BORCS5: variants seen among roughly 807,000 people sequenced by gnomAD.
BORCS5 encodes BLOC-1-related complex subunit 5.
A neutral mutation model predicts 22.1 loss-of-function variants in BORCS5; 17 were observed. The observed-to-expected ratio is 0.77, with a 90% CI of 0.53 to 1.15. The LOEUF (loss-of-function observed/expected upper bound fraction) is 1.15, where lower values mean the gene tolerates loss of function less well. Among genes scored for constraint, BORCS5 ranks in the 50% most tolerant of loss-of-function variants. The pLI is 0.00. For missense variants in BORCS5, 247 were observed against 253.2 expected (o/e 0.98, Z 0.17); for synonymous variants, 117 against 99.8 (o/e 1.17, Z -1.03).
At chr12:12,415,284 C>A (rs1240981975) in intron 2 of BORCS5, among the ~76,000 whole-genome samples, 1 of 150,284 alleles carries the variant, frequency 6.7e-6, no homozygotes. Flanking sequence ...AACGAGACTC[C>A]GTCTGCAATC....
At chr12:12,430,738 C>A (rs1174341692) in intron 2 of BORCS5, among the ~76,000 whole-genome samples, 2 of 152,170 alleles carry the variant, frequency 1.3e-5, no homozygotes, top group Admixed American at 6.5e-5. Context: ...TCTTATATAT[C>A]ATTTCAGAGT....
At chr12:12,424,715 T>A (rs1942234482) in intron 2 of BORCS5, among the ~76,000 whole-genome samples, 1 of 152,158 alleles carries the variant, frequency 6.6e-6, no homozygotes, top group South Asian at 2.1e-4. Flanking sequence ...TTTTTGGTAT[T>A]TTGATTGTTA....
chr12:12,420,667 G>C (rs6647109), intron 2 of BORCS5, among the ~76,000 whole-genome samples: 1 of 152,084 alleles, frequency 6.6e-6, no homozygotes, highest in Non-Finnish European at 1.5e-5. Context: ...TTGATTCTTT[G>C]TATCCGTGAG....
intron 2 of BORCS5, among the ~76,000 whole-genome samples, chr12:12,392,308 C>T (rs892005285): frequency 1.3e-5 from 2 of 151,946 alleles, no homozygotes; most frequent in Admixed American, 6.6e-5. Context: ...GGCCAATATA[C>T]GACGTTTTCG....
chr12:12,386,604 T>C (rs1400157943), intron 2 of BORCS5, among the ~76,000 whole-genome samples: 1 of 149,620 alleles, frequency 6.7e-6, no homozygotes, highest in African/African-American at 2.5e-5. Context: ...TACCTCAGCC[T>C]CCTGAGTAGC....
At chr12:12,453,529 A>C (rs759225320) in intron 3 of BORCS5, among the ~76,000 whole-genome samples, 18 of 152,156 alleles carry the variant, frequency 1.2e-4, no homozygotes, top group Non-Finnish European at 2.6e-4. Context: ...CATCTTCGTA[A>C]ACTCGAAAGT....
Position 12,425,154 on chromosome 12 carries a change from G to A in BORCS5, c.203-10474G>A, listed in dbSNP as rs535401478. Among the ~76,000 whole-genome samples the A allele has an allele frequency of 3.3e-5, 5 of 152,332 alleles. No homozygotes were observed. The East Asian group carries it at 9.6e-4, about 29-fold the overall frequency. On this transcript the variant is annotated intron_variant, in intron 2 of 3. Transcript: ENST00000314565. ...TGTGCAAGCCACTCCAGGAATAAGT[G>A]CGTAGCTGCCTGCAGTGGGGATGGG... is the stretch of plus-strand genomic sequence containing the variant.
At chr12:12,406,814 A>G (rs2136079970) in intron 2 of BORCS5, among the ~76,000 whole-genome samples, 1 of 152,286 alleles carries the variant, frequency 6.6e-6, no homozygotes, top group African/African-American at 2.4e-5. Context: ...TTTTAAATAA[A>G]AAGAACACTT....
rs1049734743 is a variant in BORCS5, at chr12:12,389,294, C to T, written c.202+27945C>T. 4.0e-5 allele frequency among the ~76,000 whole-genome samples: 6 copies of T among 150,422 alleles called. 1 individual carries two copies. The highest frequency in any genetic ancestry group is 2.1e-4 in the South Asian group (1 of 4,746). On this transcript the variant is annotated intron_variant, in intron 2 of 3. Transcript: ENST00000314565. ...CTGGGATTACAGGCGCCCACCACCA[C>T]GCCTGGCTAATTTTTATATTTTTAG...
At chr12:12,458,471 T>C (rs1448353352) in intron 3 of BORCS5, among the ~76,000 whole-genome samples, 1 of 152,226 alleles carries the variant, frequency 6.6e-6, no homozygotes, top group Non-Finnish European at 1.5e-5. Flanking sequence ...GTGAAATTTT[T>C]TCTTTCTTTG....
At chr12:12,365,015 G>A (rs1406258952) in intron 2 of BORCS5, among the ~76,000 whole-genome samples, 1 of 152,208 alleles carries the variant, frequency 6.6e-6, no homozygotes, top group African/African-American at 2.4e-5. Context: ...TAATTAATGT[G>A]ATGCAGTTAA....
chr12:12,389,049 G>A lies in BORCS5; in HGVS notation c.202+27700G>A, dbSNP rs753467074. 2.7e-5 allele frequency among the ~76,000 whole-genome samples: 4 copies of A among 150,706 alleles called. 1 individual carries two copies. The highest frequency in any genetic ancestry group is 5.9e-5 in the Non-Finnish European group (4 of 67,596). The stretch of plus-strand genomic sequence containing the variant: ...ATAGGGACAGGACACAGGTTGTTGA[G>A]GCAAATACTATGGGTTCATATAGAA... On this transcript the variant is annotated intron_variant, in intron 2 of 3. Transcript: ENST00000314565.
intron 3 of BORCS5, among the ~76,000 whole-genome samples, chr12:12,438,254 G>A (rs113239696): frequency 6.6e-6 from 1 of 151,222 alleles, no homozygotes; most frequent in Admixed American, 6.6e-5. Flanking sequence ...CCAGCTCCTC[G>A]GGAGGCTGAG....
intron 3 of BORCS5, among the ~76,000 whole-genome samples, chr12:12,446,718 A>C (rs1433745927): frequency 6.6e-6 from 1 of 152,230 alleles, no homozygotes; most frequent in African/African-American, 2.4e-5. Flanking sequence ...ACTTTAGTTG[A>C]CGTCCTGGCG....
chr12:12,396,414 G>A (rs1289486369), intron 2 of BORCS5, among the ~76,000 whole-genome samples: 2 of 152,190 alleles, frequency 1.3e-5, no homozygotes, highest in African/African-American at 2.4e-5. Flanking sequence ...CCATGGCGGA[G>A]AGCACTTCAA....
chr12:12,465,578 C>T lies in BORCS5; in HGVS notation c.393C>T (p.Phe131=). ...TGTCTGTAGAAACTCTGTTCAGCTT[C>T]ATGCAGGAGCGCCAGAAAAGATACG... ...MDLSVETLFS[F]MQERQKRYAK... Residue 131 remains phenylalanine (F), a synonymous_variant, in exon 4 of 4, where the codon TTC becomes TTT. Coordinates refer to ENST00000314565, the MANE Select transcript of BORCS5 (RefSeq NM_058169.6). The T allele has an allele frequency of 6.2e-7, 1 of 1,614,270 alleles. No individual in the cohort carries two copies. The highest frequency in any genetic ancestry group is 8.5e-7 in the Non-Finnish European group (1 of 1,180,046).
chr12:12,391,811 C>G (rs1381575879), intron 2 of BORCS5, among the ~76,000 whole-genome samples: 5 of 144,618 alleles, frequency 3.5e-5, no homozygotes, highest in Non-Finnish European at 6.0e-5. Flanking sequence ...GTGGGCAGAT[C>G]GCTTGAGCTC....
intron 3 of BORCS5, among the ~76,000 whole-genome samples, chr12:12,451,341 A>C (rs1430432320): frequency 6.6e-6 from 1 of 152,214 alleles, no homozygotes; most frequent in African/African-American, 2.4e-5. Flanking sequence ...CATGCGATAC[A>C]TATCTGGTTC....
rs149898168 is a variant in BORCS5, at chr12:12,382,593, C to T, written c.202+21244C>T. 1.4e-3 allele frequency among the ~76,000 whole-genome samples: 198 copies of T among 146,116 alleles called. 4 individuals are homozygous for T. The highest frequency in any genetic ancestry group is 2.4e-3 in the South Asian group (11 of 4,610). The stretch of plus-strand genomic sequence containing the variant: ...TCGACAGGCTGCTGAAGTGCAGTGG[C>T]GCGATCTCAGTTTCCTGCAACCTCT... On this transcript the variant is annotated intron_variant, in intron 2 of 3. Transcript: ENST00000314565.
Sources: gnomAD v4.1 joint callset for allele counts (sites outside exome capture counted in the v4.1 genomes callset) on GRCh38, gnomAD v4.1.1 for gene constraint, MANE v1.5 for transcripts, NCBI Gene and HGNC (gene_info 2026-07-23, HGNC 2026-07-21) for gene names.